ADSL: variants seen among roughly 807,000 people sequenced by gnomAD.
ADSL encodes the protein adenylosuccinate lyase, also known as adenylosuccinase.
A neutral mutation model predicts 62.1 loss-of-function variants in ADSL; 44 were observed. The ratio of observed to expected loss-of-function variants is 0.71; its 90% CI spans 0.56 to 0.91. The LOEUF (loss-of-function observed/expected upper bound fraction) is 0.91, where lower values mean the gene tolerates loss of function less well. Ranked by LOEUF, ADSL falls within the 40% of genes least tolerant of loss-of-function variation. ADSL has a pLI of 0.00. For missense variants in ADSL, 531 were observed against 627.4 expected (o/e 0.85, Z 1.64); for synonymous variants, 198 against 220.5 (o/e 0.90, Z 0.90).
downstream of ADSL, among the ~76,000 whole-genome samples, chr22:40,371,790 G>A (rs952951034): frequency 2.0e-5 from 3 of 151,732 alleles, no homozygotes; most frequent in Non-Finnish European, 2.9e-5. Context: ...TCCGCCTCCC[G>A]GATTCAAGTG....
At chr22:40,382,074 G>A (rs1373487159) in intron 2 of ADSL, among the ~76,000 whole-genome samples, 2 of 152,142 alleles carry the variant, frequency 1.3e-5, no homozygotes, top group East Asian at 3.9e-4. Context: ...CTAGCCTAGG[G>A]TGTGACACAG....
In ADSL at chr22:40,356,058, C is replaced by T. The variant is rs531320872; in HGVS notation, c.482+1731C>T. Among the ~76,000 whole-genome samples the T allele has an allele frequency of 2.3e-3, 349 of 151,004 alleles. 1 individual carries two copies. Among genetic ancestry groups the T allele is most frequent in the Non-Finnish European group, 3.2e-3 (214 of 67,774 alleles). On this transcript the variant is annotated intron_variant, in intron 4 of 12. Coordinates refer to ENST00000623063, the MANE Select transcript of ADSL (RefSeq NM_000026.4). ...AAAAAAAAAAAAAAAAAAAATTAGC[C>T]GGACGCAGTGGCGCATGCCTATAGT...
intron 8 of ADSL, 36 bp downstream of exon 8, chr22:40,361,378 C>G (rs548175096): frequency 1.2e-6 from 2 of 1,612,396 alleles, no homozygotes; most frequent in African/African-American, 1.3e-5. Context: ...GCACACATTG[C>G]TGCTGGAAGG....
intron 4 of ADSL, among the ~76,000 whole-genome samples, chr22:40,354,586 A>G (rs780214011): frequency 1.3e-5 from 2 of 152,146 alleles, no homozygotes; most frequent in Non-Finnish European, 2.9e-5. Context: ...AACAATCTAA[A>G]TGGGCCGGGT....
Position 40,361,255 on chromosome 22 carries a change from T to A in ADSL, c.793-18T>A. 6.2e-7 allele frequency: 1 copy of A among 1,612,640 alleles called. No homozygotes were observed. The highest frequency in any genetic ancestry group is 8.5e-7 in the Non-Finnish European group (1 of 1,178,676). On this transcript the variant is annotated intron_variant, in intron 7 of 12. Transcript: ENST00000623063. Reference sequence around the variant, plus strand: ...CACTGACAGTGTGGGGTGATGCTTATTCCCCTACCTCCCCCAGATTTGCAC... The same window carrying A: ...CACTGACAGTGTGGGGTGATGCTTAATCCCCTACCTCCCCCAGATTTGCAC...
intron 7 of ADSL, chr22:40,361,000 C>G: frequency 2.0e-6 from 1 of 495,248 alleles, no homozygotes; most frequent in African/African-American, 1.9e-5. Context: ...CGCGCCCATC[C>G]TGAATTAATC....
intron 5 of ADSL, 91 bp downstream of exon 5, chr22:40,359,126 G>A (rs2044673156): frequency 1.1e-5 from 18 of 1,586,776 alleles, no homozygotes; most frequent in Non-Finnish European, 1.6e-5. Flanking sequence ...GAGATTGACT[G>A]TGGGATGGGT....
chr22:40,346,816 C>G lies in ADSL; in HGVS notation c.153+105C>G, dbSNP rs1421312155. On this transcript the variant is annotated intron_variant, in intron 1 of 12. Transcript: ENST00000623063. ...GCTTAGCCACCCCGGAGCTGCGGCC[C>G]GGCTATTTTCAGCTGGGTGTTCCCT... is the stretch of plus-strand genomic sequence containing the variant. 31 of 1,248,050 alleles carry G rather than the reference C, an allele frequency of 2.5e-5. 1 individual carries two copies. Among genetic ancestry groups the G allele is most frequent in the Non-Finnish European group, 3.0e-5 (27 of 907,418 alleles). The allele number at this position is 1,248,050 out of a possible 1,614,324, so 77.3% of individuals were successfully genotyped here.
chr22:40,350,042 G>C lies in ADSL; in HGVS notation c.357+7G>C. 1.2e-6 allele frequency: 2 copies of C among 1,612,070 alleles called. No homozygotes were observed. Among genetic ancestry groups the C allele is most frequent in the Non-Finnish European group, 1.7e-6 (2 of 1,178,228 alleles). On this transcript the variant is annotated splice_region_variant and intron_variant, in intron 2 of 12. Transcript: ENST00000623063. ...CTATGTTGGAGACAATACTGTAGGC[G>C]CCTGTGTTGTTTATACTTAAAACTC...
intron 2 of ADSL, among the ~76,000 whole-genome samples, chr22:40,383,233 C>T (rs559557540): frequency 1.3e-5 from 2 of 152,008 alleles, no homozygotes; most frequent in Admixed American, 6.5e-5. Context: ...TTTGGGAGGC[C>T]GAGGCGGGCA....
At chr22:40,347,176 T>G in intron 1 of ADSL, 1 of 170,136 alleles carries the variant, frequency 5.9e-6, no homozygotes, top group Admixed American at 5.7e-5. Flanking sequence ...CCCATCCAGC[T>G]ATTAAGAACG....
At chr22:40,379,704 T>G (rs1601755912) in intron 2 of ADSL, among the ~76,000 whole-genome samples, 1 of 152,244 alleles carries the variant, frequency 6.6e-6, no homozygotes. Context: ...TTGGTAGTAT[T>G]TGTGGTCTCT....
rs1380095056 is a variant in ADSL, at chr22:40,349,833, C to A, written c.155C>A (p.Thr52Lys). The A allele has an allele frequency of 1.2e-6, 2 of 1,613,650 alleles. No homozygotes were observed. Among genetic ancestry groups the A allele is most frequent in the Non-Finnish European group, 1.7e-6 (2 of 1,179,620 alleles). Reference protein sequence around the residue: ...LWLWLAEAEQTLGLPITDEQI... With the variant: ...LWLWLAEAEQKLGLPITDEQI... ...TATTTTATTTTGCCTATTCTGCAGACATTGGGTTTGCCTATCACAGATGAA... is the reference window on the plus strand; with the variant it reads ...TATTTTATTTTGCCTATTCTGCAGAAATTGGGTTTGCCTATCACAGATGAA... The change falls in exon 2 of 13, where the codon ACA (threonine) becomes AAA (lysine). Residue 52 changes from threonine (T) to lysine (K), a missense_variant and splice_region_variant. Physicochemically the swap from Thr to Lys is moderately conservative, Grantham distance 78. This residue lies in a region of ADSL where 471 missense variants were observed against 592.9 expected (regional missense o/e 0.79). Transcript: ENST00000623063.
rs11431892 is a variant in ADSL at position 40,360,726 on chromosome 22, C to CT, written c.792+246dup. On this transcript the variant is annotated intron_variant, in intron 7 of 12. Transcript: ENST00000623063. ...TTGTTCAGTGGTATATTAAATTAAT[C>CT]TTTTTTTTTTTTCGAGATGGAGTTT... Among the ~76,000 whole-genome samples, 144,385 of 147,664 alleles carry CT rather than the reference C, an allele frequency of 0.98. 70,592 individuals carry two copies. Among genetic ancestry groups the CT allele is most frequent in the East Asian group, 1 (5,049 of 5,068 alleles).
At chr22:40,358,173 A>G (rs746620208) in intron 4 of ADSL, among the ~76,000 whole-genome samples, 3 of 152,312 alleles carry the variant, frequency 2.0e-5, no homozygotes, top group South Asian at 4.1e-4. Context: ...TGTATTTCCA[A>G]TAGTAAGAGT....
chr22:40,382,830 G>A (rs2047789780), intron 2 of ADSL, among the ~76,000 whole-genome samples: 1 of 152,190 alleles, frequency 6.6e-6, no homozygotes, highest in Non-Finnish European at 1.5e-5. Context: ...TATTCTGCAG[G>A]TACCTATTAT....
rs2045094803 is a variant in ADSL at position 40,368,969 on chromosome 22, CA to C, written c.*2449del. ...TCTTGAAAGGATACTAAGTCTGACACAAGGAAATTAAGTCATGGGACTCTGA... is the reference window on the plus strand; with the variant it reads ...TCTTGAAAGGATACTAAGTCTGACACAGGAAATTAAGTCATGGGACTCTGA... On this transcript the variant is annotated 3_prime_UTR_variant, in exon 13 of 13. Transcript: ENST00000623063. The C allele has an allele frequency of 6.6e-6, 1 of 152,164 alleles. No homozygotes were observed. The highest frequency in any genetic ancestry group is 2.1e-4 in the South Asian group (1 of 4,836). 9.4% of individuals were successfully genotyped at this position (152,164 alleles called of 1,614,324 possible). A position where few individuals can be genotyped will look rare whatever the true frequency, so the allele number is the denominator to read the frequency against.
In ADSL at chr22:40,359,957, A is replaced by G. The variant is rs865863280; in HGVS notation, c.702-445A>G. The stretch of plus-strand genomic sequence containing the variant: ...CTTAGGGCCCCCAACAGGTTAGGCT[A>G]AATCTGACCATTTCCATTGAGGTCC... On this transcript the variant is annotated intron_variant, in intron 6 of 12. Transcript: ENST00000623063. Among the ~76,000 whole-genome samples the G allele has an allele frequency of 3.9e-5, 6 of 152,328 alleles. No individual in the cohort carries two copies. The Middle Eastern group carries it at 0.01, about 259-fold the overall frequency.
chr22:40,364,443 A>G, intron 11 of ADSL, 78 bp downstream of exon 11: 3 of 1,257,820 alleles, frequency 2.4e-6, no homozygotes, highest in Middle Eastern at 1.9e-4. Context: ...AGGAGAGCAG[A>G]TGAAGGTGTT....
Sources: gnomAD v4.1 joint callset for allele counts (sites outside exome capture counted in the v4.1 genomes callset) on GRCh38, gnomAD v4.1.1 for gene constraint, gnomAD v4.1.1 regional missense constraint, MANE v1.5 for transcripts, NCBI Gene and HGNC (gene_info 2026-07-23, HGNC 2026-07-21) for gene names.